Variants in PTPRK observed in about 807,000 individuals in gnomAD.
PTPRK encodes the protein receptor-type tyrosine-protein phosphatase kappa.
In PTPRK, 75 loss-of-function variants were observed where a neutral mutation model predicts 178.0. The ratio of observed to expected loss-of-function variants is 0.42; its 90% CI spans 0.35 to 0.51. The LOEUF is 0.51. PTPRK is among the 20% of genes least tolerant of loss of function. The pLI is 0.02. For missense variants in PTPRK, 1,441 were observed against 1,797.8 expected, an observed-to-expected ratio of 0.80 and a Z score of 3.59; for synonymous variants, 637 against 620.6, an observed-to-expected ratio of 1.03 and a Z score of -0.39.
At chr6:128,198,184 T>C (rs141687237) in intron 6 of PTPRK, among the ~76,000 whole-genome samples, 1 of 152,316 alleles carries the variant, frequency 6.6e-6, no homozygotes, top group African/African-American at 2.4e-5. Context: ...CTAAGTTTTA[T>C]GATGCAGCAG....
chr6:128,128,546 A>G (rs552261697), intron 7 of PTPRK, among the ~76,000 whole-genome samples: 1 of 152,220 alleles, frequency 6.6e-6, no homozygotes, highest in Non-Finnish European at 1.5e-5. Context: ...TTGAGAGCAA[A>G]ATCTGCACAA....
At chr6:128,043,142 C>T (rs571503836) in intron 13 of PTPRK, among the ~76,000 whole-genome samples, 76 of 152,110 alleles carry the variant, frequency 5.0e-4, no homozygotes, top group African/African-American at 1.7e-3. Context: ...AAATAAAAAT[C>T]TCTGGCTTGT....
chr6:128,240,580 C>T (rs910291587), intron 4 of PTPRK, among the ~76,000 whole-genome samples: 4 of 152,070 alleles, frequency 2.6e-5, no homozygotes, highest in Non-Finnish European at 4.4e-5. Context: ...GGCAGTGACA[C>T]GGCCATTGAA....
chr6:128,259,610 G>A (rs142325401), intron 3 of PTPRK, among the ~76,000 whole-genome samples: 3 of 152,162 alleles, frequency 2.0e-5, no homozygotes, highest in East Asian at 1.9e-4. Context: ...CAATGATTTC[G>A]TTACTTACAG....
chr6:128,114,962 A>T (rs1202877767), intron 7 of PTPRK, among the ~76,000 whole-genome samples: 1 of 151,702 alleles, frequency 6.6e-6, no homozygotes, highest in African/African-American at 2.4e-5. Flanking sequence ...TTGTTTATAC[A>T]TGTGTCTTAT....
intron 15 of PTPRK, among the ~76,000 whole-genome samples, chr6:127,999,221 G>C (rs1777515009): frequency 6.6e-6 from 1 of 152,018 alleles, no homozygotes; most frequent in East Asian, 1.9e-4. Flanking sequence ...AGTCATAGCA[G>C]TATAGAGTGG....
chr6:128,219,344 T>A (rs933424684), intron 5 of PTPRK, among the ~76,000 whole-genome samples: 1 of 152,196 alleles, frequency 6.6e-6, no homozygotes, highest in Non-Finnish European at 1.5e-5. Context: ...GAGGGGATGA[T>A]TTCAGGATGA....
intron 1 of PTPRK, among the ~76,000 whole-genome samples, chr6:128,434,307 C>G (rs776891973): frequency 8.5e-5 from 13 of 152,134 alleles, no homozygotes; most frequent in Non-Finnish European, 1.6e-4. Context: ...CATAGACAGA[C>G]AAGAAGGCAT....
At chr6:128,021,281 T>C (rs560117569) in intron 13 of PTPRK, among the ~76,000 whole-genome samples, 52 of 152,328 alleles carry the variant, frequency 3.4e-4, no homozygotes, top group African/African-American at 1.2e-3. Context: ...CAATTCTAGA[T>C]AATCAACCTT....
At chr6:128,238,065 G>A in intron 5 of PTPRK, 1 of 446,150 alleles carries the variant, frequency 2.2e-6, no homozygotes. Flanking sequence ...TGGTGTTATT[G>A]AAAAAGGTAA....
Position 128,128,125 on chromosome 6 carries a change from T to G in PTPRK, c.1163-38133A>C, listed in dbSNP as rs114539640. ...CAAAATACTCTTTCACTTACTGGCT[T>G]ATAAGGAAATTTTATAAAGTTTTAA... On this transcript the variant is annotated intron_variant, in intron 7 of 29. Transcript: ENST00000368226. 2.3e-3 allele frequency among the ~76,000 whole-genome samples: 351 copies of G among 152,306 alleles called. 1 individual carries two copies. The highest frequency in any genetic ancestry group is 8.2e-3 in the African/African-American group (339 of 41,576).
At chr6:128,494,548 C>T (rs891496783) in intron 1 of PTPRK, among the ~76,000 whole-genome samples, 1 of 152,020 alleles carries the variant, frequency 6.6e-6, no homozygotes, top group Non-Finnish European at 1.5e-5. Context: ...TAAAAAAAAA[C>T]ACTTTTGTTT....
intron 15 of PTPRK, chr6:128,003,126 C>T (rs1778026968): frequency 2.8e-6 from 4 of 1,446,302 alleles, no homozygotes; most frequent in East Asian, 4.9e-5. Context: ...TAAATAATCT[C>T]TATGTGGGCA....
chr6:128,246,069 G>C (rs1177181269), intron 3 of PTPRK, among the ~76,000 whole-genome samples: 1 of 152,150 alleles, frequency 6.6e-6, no homozygotes, highest in African/African-American at 2.4e-5. Flanking sequence ...TGTCAACAGT[G>C]TAATACCTGA....
At chr6:128,336,203 G>T (rs13194303) in intron 2 of PTPRK, among the ~76,000 whole-genome samples, 1,597 of 134,930 alleles carry the variant, frequency 0.012, 13 homozygotes, top group African/African-American at 0.028. Flanking sequence ...TTTTTTTTTT[G>T]TTTTTTTTTG....
intron 14 of PTPRK, among the ~76,000 whole-genome samples, chr6:128,008,723 A>G (rs1263331557): frequency 1.3e-5 from 2 of 151,132 alleles, no homozygotes; most frequent in Non-Finnish European, 3.0e-5. Context: ...CTCATATCTT[A>G]TTTGTAGCCA....
chr6:128,506,014 G>C (rs1282074048), intron 1 of PTPRK, among the ~76,000 whole-genome samples: 3 of 151,610 alleles, frequency 2.0e-5, no homozygotes, highest in Non-Finnish European at 2.9e-5. Context: ...AAAAGAAAAA[G>C]AAAAATGTTA....
At chr6:128,393,662 T>C (rs949041175) in intron 2 of PTPRK, among the ~76,000 whole-genome samples, 70 of 152,256 alleles carry the variant, frequency 4.6e-4, no homozygotes, top group African/African-American at 1.6e-3. Context: ...CACACAAAGA[T>C]ATCAGCGAAC....
At chr6:128,369,074 T>C (rs1211810018) in intron 2 of PTPRK, among the ~76,000 whole-genome samples, 1 of 152,130 alleles carries the variant, frequency 6.6e-6, no homozygotes, top group East Asian at 1.9e-4. Context: ...AATTCTACCA[T>C]CACTTCACAA....
Sources: gnomAD v4.1 joint callset for allele counts (sites outside exome capture counted in the v4.1 genomes callset) on GRCh38, gnomAD v4.1.1 for gene constraint, MANE v1.5 for transcripts, NCBI Gene and HGNC (gene_info 2026-07-23, HGNC 2026-07-21) for gene names.